Variants in ASIC5 observed in about 807,000 individuals in gnomAD.
The protein encoded by ASIC5 is bile acid-sensitive ion channel.
A neutral mutation model predicts 51.2 loss-of-function variants in ASIC5; 52 were observed. That is an observed-to-expected ratio of 1.02 (90% CI 0.81 to 1.28). ASIC5 has a LOEUF of 1.28. ASIC5 is among the 50% of genes most tolerant of loss of function. The pLI, the probability that ASIC5 is intolerant of heterozygous loss-of-function variation, is 0.00. For missense variants in ASIC5, 635 were observed against 595.0 expected (o/e 1.07, Z -0.70); for synonymous variants, 231 against 200.7 (o/e 1.15, Z -1.28).
chr4:155,853,395 G>A (rs1028264166), intron 3 of ASIC5, among the ~76,000 whole-genome samples: 3 of 151,698 alleles, frequency 2.0e-5, no homozygotes, highest in Admixed American at 6.6e-5. Context: ...TTGCTGATAC[G>A]GGAAATACGG....
chr4:155,841,180 G>C (rs182699231), intron 6 of ASIC5, among the ~76,000 whole-genome samples: 2 of 152,228 alleles, frequency 1.3e-5, no homozygotes, highest in East Asian at 3.9e-4. Flanking sequence ...TGATAAATCA[G>C]CTCTGTCTAG....
At chr4:155,842,717 G>T (rs62328469) in intron 5 of ASIC5, among the ~76,000 whole-genome samples, 24,253 of 152,008 alleles carry the variant, frequency 0.16, 2,116 homozygotes, top group Middle Eastern at 0.28. Flanking sequence ...CCTTTAATAA[G>T]CAACTATTAT....
At chr4:155,830,624 T>G (rs574395467) in intron 9 of ASIC5, among the ~76,000 whole-genome samples, 17 of 152,324 alleles carry the variant, frequency 1.1e-4, no homozygotes, top group African/African-American at 3.6e-4. Context: ...TTAACCATTT[T>G]TAAGTATACA....
chr4:155,838,476 A>G (rs1446171606), intron 7 of ASIC5, among the ~76,000 whole-genome samples: 2 of 152,168 alleles, frequency 1.3e-5, no homozygotes, highest in African/African-American at 4.8e-5. Flanking sequence ...TAAAACTTCT[A>G]TTTATTTTTA....
At chr4:155,850,962 G>C (rs866987762) in intron 4 of ASIC5, among the ~76,000 whole-genome samples, 2 of 151,948 alleles carry the variant, frequency 1.3e-5, no homozygotes, top group East Asian at 1.9e-4. Context: ...TCTATGAATG[G>C]ATCAACTGCC....
chr4:155,837,576 A>T (rs1274583001), intron 7 of ASIC5, among the ~76,000 whole-genome samples: 4 of 152,124 alleles, frequency 2.6e-5, no homozygotes, highest in Non-Finnish European at 5.9e-5. Flanking sequence ...TTGATACTGA[A>T]ACCCTTTGTT....
chr4:155,859,597 T>G (rs553285648), intron 2 of ASIC5, among the ~76,000 whole-genome samples: 2 of 152,092 alleles, frequency 1.3e-5, no homozygotes, highest in Non-Finnish European at 2.9e-5. Context: ...AGTTTCTAAC[T>G]TGGTAAACTC....
Position 155,863,495 on chromosome 4 carries a change from A to G in ASIC5, c.300T>C (p.Tyr100=), listed in dbSNP as rs761088558. 10 of 1,613,594 alleles carry G rather than the reference A, an allele frequency of 6.2e-6. No individual in the cohort carries two copies. Among genetic ancestry groups the G allele is most frequent in the South Asian group, 4.4e-5 (4 of 91,060 alleles). ...WPTTTSIEVQ[Y]VEKMEFPAVT... ...CAGCTGGGAACTCCATCTTTTCCAC[A>G]TATTGAACCTCAATGGACGTTGTGG... is the stretch of plus-strand genomic sequence containing the variant. The change falls in exon 2 of 10, where the codon TAT becomes TAC. Residue 100 remains tyrosine, a synonymous_variant. Coordinates refer to ENST00000537611, the MANE Select transcript of ASIC5 (RefSeq NM_017419.3).
intron 3 of ASIC5, among the ~76,000 whole-genome samples, chr4:155,853,676 T>A (rs973922639): frequency 2.0e-5 from 3 of 150,070 alleles, no homozygotes; most frequent in African/African-American, 7.3e-5. Flanking sequence ...ATCCTCTTAT[T>A]TTCTATAGTC....
intron 4 of ASIC5, 65 bp downstream of exon 4, chr4:155,852,126 T>A: frequency 6.4e-7 from 1 of 1,573,244 alleles, no homozygotes; most frequent in Non-Finnish European, 8.7e-7. Flanking sequence ...GGCCCAATAG[T>A]CTGATCAAGT....
intron 7 of ASIC5, 106 bp downstream of exon 7, chr4:155,838,707 A>G: frequency 2.9e-6 from 2 of 679,340 alleles, no homozygotes; most frequent in Non-Finnish European, 5.1e-6. Flanking sequence ...CTTATATACT[A>G]TATTCTGTTT....
chr4:155,856,034 C>G (rs11731737), intron 2 of ASIC5, among the ~76,000 whole-genome samples: 128,852 of 152,042 alleles, frequency 0.85, 56,402 homozygotes, highest in East Asian at 0.95. Context: ...GTCACCTTTG[C>G]TAGTCAAGCC....
intron 9 of ASIC5, among the ~76,000 whole-genome samples, chr4:155,830,424 A>G (rs1740848021): frequency 6.6e-6 from 1 of 152,232 alleles, no homozygotes; most frequent in East Asian, 1.9e-4. Context: ...GATGTTTTCC[A>G]GAAAATTAAT....
chr4:155,863,039 C>T (rs777027475), intron 2 of ASIC5, among the ~76,000 whole-genome samples: 6 of 152,068 alleles, frequency 3.9e-5, no homozygotes, highest in Non-Finnish European at 8.8e-5. Context: ...TTCTAATATG[C>T]AGGGATCAAG....
At chr4:155,836,894 G>A in intron 7 of ASIC5, 37 bp from the exon 8 acceptor site, 1 of 1,449,900 alleles carries the variant, frequency 6.9e-7, no homozygotes, top group Non-Finnish European at 9.5e-7. Flanking sequence ...TCAGAGAAGA[G>A]AAATATTTCA....
intron 1 of ASIC5, among the ~76,000 whole-genome samples, chr4:155,865,919 T>C (rs1741850930): frequency 6.6e-6 from 1 of 152,068 alleles, no homozygotes; most frequent in Admixed American, 6.6e-5. Context: ...CCAGGATAAA[T>C]AGAAACCAAA....
intron 2 of ASIC5, among the ~76,000 whole-genome samples, chr4:155,859,336 C>G (rs1258563613): frequency 2.6e-5 from 4 of 151,574 alleles, no homozygotes; most frequent in Admixed American, 2.6e-4. Context: ...AATATATAGG[C>G]CATTTTCATT....
chr4:155,850,653 C>T (rs1741359975), intron 4 of ASIC5, among the ~76,000 whole-genome samples: 1 of 152,014 alleles, frequency 6.6e-6, no homozygotes, highest in Non-Finnish European at 1.5e-5. Context: ...CTGGCCTTCT[C>T]TTCACCTAGT....
intron 4 of ASIC5, among the ~76,000 whole-genome samples, chr4:155,845,014 C>T (rs568884082): frequency 5.3e-5 from 8 of 151,816 alleles, no homozygotes; most frequent in Non-Finnish European, 1.2e-4. Flanking sequence ...AACACGTGTC[C>T]CAACTTGGTC....
Sources: allele counts gnomAD v4.1 joint callset (sites outside exome capture counted in the v4.1 genomes callset), GRCh38; gene constraint gnomAD v4.1.1; transcripts MANE v1.5; gene names NCBI Gene and HGNC (gene_info 2026-07-23, HGNC 2026-07-21).